GPC5: variants seen among roughly 807,000 people sequenced by gnomAD.
GPC5 encodes glypican-5.
GPC5 carries 47 observed loss-of-function variants against 53.9 expected under a neutral mutation model. The observed-to-expected ratio is 0.87, with a 90% CI of 0.69 to 1.11. The LOEUF is 1.11. Ranked by LOEUF, GPC5 falls within the 50% of genes most tolerant of loss-of-function variation. GPC5 has a pLI of 0.00. For synonymous variants in GPC5, 286 were observed against 263.3 expected, an observed-to-expected ratio of 1.09 and a Z score of -0.84; for missense variants, 748 against 713.1, an observed-to-expected ratio of 1.05 and a Z score of -0.56.
intron 6 of GPC5, among the ~76,000 whole-genome samples, chr13:92,028,366 C>T (rs2040816310): frequency 6.6e-6 from 1 of 152,046 alleles, no homozygotes; most frequent in Admixed American, 6.6e-5. Context: ...GATTCAAATG[C>T]TGTCTGTTAC....
At chr13:91,607,384 C>T (rs1412239923) in intron 2 of GPC5, among the ~76,000 whole-genome samples, 1 of 151,962 alleles carries the variant, frequency 6.6e-6, no homozygotes, top group East Asian at 1.9e-4. Flanking sequence ...AAGGATTTAC[C>T]CTTGCTACAT....
At chr13:92,091,410 C>T (rs2041379225) in intron 6 of GPC5, among the ~76,000 whole-genome samples, 1 of 151,944 alleles carries the variant, frequency 6.6e-6, no homozygotes, top group Non-Finnish European at 1.5e-5. Flanking sequence ...TGCATATATT[C>T]ATACAAATAA....
chr13:92,614,626 G>A (rs1884621586), intron 7 of GPC5, among the ~76,000 whole-genome samples: 2 of 152,142 alleles, frequency 1.3e-5, no homozygotes, highest in Admixed American at 6.5e-5. Context: ...CAAATGGTTG[G>A]TTACAAGAAA....
chr13:91,582,003 C>G (rs2032381110), intron 2 of GPC5, among the ~76,000 whole-genome samples: 1 of 152,096 alleles, frequency 6.6e-6, no homozygotes, highest in African/African-American at 2.4e-5. Flanking sequence ...CTAAATTAGG[C>G]TTAGGGAGGC....
chr13:91,490,805 T>C (rs1416444259), intron 2 of GPC5, among the ~76,000 whole-genome samples: 1 of 152,200 alleles, frequency 6.6e-6, no homozygotes, highest in Non-Finnish European at 1.5e-5. Flanking sequence ...CTGCTTCTTC[T>C]TGTTTCTTCT....
intron 2 of GPC5, among the ~76,000 whole-genome samples, chr13:91,645,335 C>T (rs1296524539): frequency 2.0e-5 from 3 of 152,168 alleles, no homozygotes; most frequent in Non-Finnish European, 4.4e-5. Context: ...TTGAATTTAA[C>T]TTCTCTGTTT....
At chr13:92,574,762 C>T (rs1883140225) in intron 7 of GPC5, among the ~76,000 whole-genome samples, 2 of 152,060 alleles carry the variant, frequency 1.3e-5, no homozygotes, top group Non-Finnish European at 2.9e-5. Flanking sequence ...CTGAGATTGC[C>T]CTAAAATGCC....
At chr13:91,903,068 C>T (rs2138989327) in intron 5 of GPC5, among the ~76,000 whole-genome samples, 1 of 150,902 alleles carries the variant, frequency 6.6e-6, no homozygotes, top group African/African-American at 2.4e-5. Context: ...TTCTGTGTAT[C>T]CAATACTAAA....
intron 7 of GPC5, among the ~76,000 whole-genome samples, chr13:92,244,271 T>A (rs2042634520): frequency 6.6e-6 from 1 of 152,218 alleles, no homozygotes; most frequent in Non-Finnish European, 1.5e-5. Flanking sequence ...TGTCCCGGCA[T>A]TGATTTTATG....
chr13:92,206,476 G>A (rs2042338496), intron 7 of GPC5, among the ~76,000 whole-genome samples: 2 of 150,194 alleles, frequency 1.3e-5, no homozygotes, highest in South Asian at 4.5e-4. Context: ...TGCAGCCACC[G>A]CACCCGGCTG....
At chr13:92,019,071 A>G (rs985734312) in intron 6 of GPC5, among the ~76,000 whole-genome samples, 1 of 152,030 alleles carries the variant, frequency 6.6e-6, no homozygotes, top group Non-Finnish European at 1.5e-5. Context: ...TACATTGGAA[A>G]CACATTAATT....
intron 7 of GPC5, among the ~76,000 whole-genome samples, chr13:92,158,964 T>A (rs1158890608): frequency 3.3e-5 from 5 of 152,192 alleles, no homozygotes; most frequent in Non-Finnish European, 7.3e-5. Context: ...CTAAACTCTT[T>A]CATTTTCTCC....
chr13:92,336,097 T>G (rs893555661), intron 7 of GPC5, among the ~76,000 whole-genome samples: 2 of 152,176 alleles, frequency 1.3e-5, no homozygotes, highest in Non-Finnish European at 2.9e-5. Flanking sequence ...TGGATGTATA[T>G]AAAAATCTGA....
chr13:91,720,818 C>T (rs2036447266), intron 3 of GPC5, among the ~76,000 whole-genome samples: 1 of 152,178 alleles, frequency 6.6e-6, no homozygotes, highest in Non-Finnish European at 1.5e-5. Context: ...ACCAGAGATT[C>T]ATGAATCTGT....
intron 7 of GPC5, among the ~76,000 whole-genome samples, chr13:92,413,684 T>A (rs993833309): frequency 2.0e-5 from 3 of 152,102 alleles, no homozygotes; most frequent in African/African-American, 7.2e-5. Flanking sequence ...TAACCACAGA[T>A]AAAAGTGAGC....
intron 6 of GPC5, among the ~76,000 whole-genome samples, chr13:91,928,468 G>A (rs1204085656): frequency 6.6e-6 from 1 of 152,140 alleles, no homozygotes; most frequent in African/African-American, 2.4e-5. Flanking sequence ...AGTATAGGAG[G>A]CCAGAATGAA....
At chr13:91,942,391 G>C (rs1394431558) in intron 6 of GPC5, among the ~76,000 whole-genome samples, 1 of 151,856 alleles carries the variant, frequency 6.6e-6, no homozygotes, top group African/African-American at 2.4e-5. Context: ...TCTAACAATA[G>C]AACAATGACA....
chr13:91,786,158 G>A (rs928182777), intron 5 of GPC5, among the ~76,000 whole-genome samples: 4 of 152,036 alleles, frequency 2.6e-5, no homozygotes, highest in South Asian at 2.1e-4. Context: ...CACCACGCCT[G>A]GCTAATTTTT....
At chr13:92,697,889 A>G (rs1474787465) in intron 7 of GPC5, among the ~76,000 whole-genome samples, 1 of 152,124 alleles carries the variant, frequency 6.6e-6, no homozygotes, top group Non-Finnish European at 1.5e-5. Context: ...TAGTTTATTG[A>G]GAGTTTTTAG....
Sources: gnomAD v4.1 joint callset for allele counts (sites outside exome capture counted in the v4.1 genomes callset) on GRCh38, gnomAD v4.1.1 for gene constraint, MANE v1.5 for transcripts, NCBI Gene and HGNC (gene_info 2026-07-23, HGNC 2026-07-21) for gene names.